Variants in CELF2 observed in about 807,000 individuals in gnomAD.
CELF2 encodes CUGBP Elav-like family member 2.
CELF2 carries 8 observed loss-of-function variants against 62.6 expected under a neutral mutation model. The observed-to-expected ratio is 0.13, with a 90% CI of 0.07 to 0.23. The LOEUF (loss-of-function observed/expected upper bound fraction) is 0.23, where lower values mean the gene tolerates loss of function less well. Among genes scored for constraint, CELF2 ranks in the 10% least tolerant of loss-of-function variants. The pLI, the probability that CELF2 is intolerant of heterozygous loss-of-function variation, is 1.00. For missense variants in CELF2, 333 were observed against 671.0 expected (o/e 0.50, Z 5.56); for synonymous variants, 258 against 250.0 (o/e 1.03, Z -0.30).
chr10:10,829,191 C>G (rs747801315), intron 1 of CELF2, among the ~76,000 whole-genome samples: 4 of 152,178 alleles, frequency 2.6e-5, no homozygotes, highest in Admixed American at 6.5e-5. Flanking sequence ...TGAATATTGA[C>G]TTGCAAACCT....
chr10:10,562,872 A>C, the CELF2 span, among the ~76,000 whole-genome samples: 6 of 134,588 alleles, frequency 4.5e-5, no homozygotes, highest in Admixed American at 4.4e-4. Context: ...CAGGCTTGCC[A>C]TGGGGCAGTA....
At chr10:10,775,661 C>A in the CELF2 span, among the ~76,000 whole-genome samples, 13 of 151,494 alleles carry the variant, frequency 8.6e-5, no homozygotes, top group Non-Finnish European at 1.9e-4. Context: ...AGAAACAGAC[C>A]AGGAGGCAGA....
the CELF2 span, among the ~76,000 whole-genome samples, chr10:10,464,309 A>G: frequency 1.3e-5 from 2 of 152,176 alleles, no homozygotes; most frequent in African/African-American, 4.8e-5. Context: ...TTCAGTTATA[A>G]TTGGAATAAA....
chr10:10,752,253 A>C, the CELF2 span, among the ~76,000 whole-genome samples: 1 of 152,208 alleles, frequency 6.6e-6, no homozygotes, highest in Non-Finnish European at 1.5e-5. Context: ...AACCATGGCT[A>C]AAGTACCCAT....
chr10:11,114,987 G>A (rs1432126682), intron 1 of CELF2, among the ~76,000 whole-genome samples: 1 of 152,052 alleles, frequency 6.6e-6, no homozygotes, highest in Non-Finnish European at 1.5e-5. Context: ...GTACCTTCTG[G>A]CACACAGTAG....
In CELF2 at chr10:11,331,428, A is replaced by AGAT. The variant is rs1487371487; in HGVS notation, c.*2377_*2379dup. ...CATTTTTTTTAATTGTGGACTATTT[A>AGAT]GATGTGTTTGTGTTCAGCAAAATGT... On this transcript the variant is annotated 3_prime_UTR_variant, in exon 13 of 13. Coordinates refer to ENST00000633077, the MANE Select transcript of CELF2 (RefSeq NM_001326342.2). 2 of 145,022 alleles carry AGAT rather than the reference A, an allele frequency of 1.4e-5. No homozygotes were observed. The highest frequency in any genetic ancestry group is 3.0e-5 in the Non-Finnish European group (2 of 66,566). 9.0% of individuals were successfully genotyped at this position (145,022 alleles called of 1,614,324 possible).
Position 11,321,014 on chromosome 10 carries a change from C to T in CELF2, c.1097-175C>T, listed in dbSNP as rs2095413039. The T allele has an allele frequency of 1.5e-6, 2 of 1,353,388 alleles. No homozygotes were observed. Among genetic ancestry groups the T allele is most frequent in the East Asian group, 2.5e-5 (1 of 39,912 alleles). The allele number at this position is 1,353,388 out of a possible 1,614,324, so 83.8% of individuals were successfully genotyped here. A position where few individuals can be genotyped will look rare whatever the true frequency, so the allele number is the denominator to read the frequency against. ...TTCTCATGGCTTAGGTCATTTTCCC[C>T]CATTATCACGATTTATTTCTTCATG... On this transcript the variant is annotated intron_variant, in intron 10 of 12. Coordinates refer to ENST00000633077, the MANE Select transcript of CELF2 (RefSeq NM_001326342.2). The surrounding 1 kb of genome is among the most constrained non-coding windows in gnomAD (Gnocchi z 6.2).
chr10:10,712,566 A>C, the CELF2 span, among the ~76,000 whole-genome samples: 169 of 152,296 alleles, frequency 1.1e-3, 2 homozygotes, highest in East Asian at 0.02. Context: ...TTTCAAATAC[A>C]ACCAGCAATG....
At chr10:10,490,716 A>G in the CELF2 span, among the ~76,000 whole-genome samples, 1 of 152,120 alleles carries the variant, frequency 6.6e-6, no homozygotes, top group African/African-American at 2.4e-5. Context: ...AATGAGCATA[A>G]GCCCCTAGAC....
At position 11,290,428 on chromosome 10, in the gene CELF2, T is replaced by C. The variant is rs961962015; in HGVS notation, c.976+1876T>C. On this transcript the variant is annotated intron_variant, in intron 9 of 12. Coordinates refer to ENST00000633077, the MANE Select transcript of CELF2 (RefSeq NM_001326342.2). This position sits in a 1 kb window ranked among gnomAD's most constrained non-coding sequence, Gnocchi z 4.3. ...GGACCGCGTCCGTTCCAGCCCACGTTGGGAGGAGTGTGAGCTTGTTGCAAC... is the reference window on the plus strand; with the variant it reads ...GGACCGCGTCCGTTCCAGCCCACGTCGGGAGGAGTGTGAGCTTGTTGCAAC... Among the ~76,000 whole-genome samples the C allele has an allele frequency of 1.3e-5, 2 of 151,796 alleles. No homozygotes were observed. Among genetic ancestry groups the C allele is most frequent in the African/African-American group, 4.8e-5 (2 of 41,278 alleles).
At chr10:11,066,110 G>C (rs1157473828) in intron 1 of CELF2, among the ~76,000 whole-genome samples, 2 of 152,198 alleles carry the variant, frequency 1.3e-5, no homozygotes, top group Non-Finnish European at 2.9e-5. Context: ...TGGGGTCCCA[G>C]CCACACAGGG....
At chr10:11,079,920 CT>C (rs1159700970) in intron 1 of CELF2, among the ~76,000 whole-genome samples, 1 of 152,142 alleles carries the variant, frequency 6.6e-6, no homozygotes, top group African/African-American at 2.4e-5. Context: ...TGCAAGATGA[CT>C]TTGGGATTTG....
chr10:10,672,976 G>A, the CELF2 span, among the ~76,000 whole-genome samples: 2 of 151,856 alleles, frequency 1.3e-5, no homozygotes, highest in African/African-American at 2.4e-5. Context: ...TTTCAACAGA[G>A]TTTTGTAGTT....
At chr10:10,989,855 C>A (rs2053235283) in intron 2 of CELF2, among the ~76,000 whole-genome samples, 1 of 151,960 alleles carries the variant, frequency 6.6e-6, no homozygotes, top group African/African-American at 2.4e-5. Context: ...AGACAAAGGA[C>A]AATAAACATT....
intron 8 of CELF2, 140 bp downstream of exon 8, chr10:11,275,260 C>T (rs548079204): frequency 1.3e-5 from 11 of 876,442 alleles, no homozygotes; most frequent in African/African-American, 1.2e-4. Context: ...TTGGTGTTAA[C>T]GTTGGAACCG....
chr10:10,976,607 A>G (rs2051369669), intron 2 of CELF2, among the ~76,000 whole-genome samples: 1 of 151,934 alleles, frequency 6.6e-6, no homozygotes, highest in Non-Finnish European at 1.5e-5. Flanking sequence ...ATCTGGTTCC[A>G]TTTCTGATTC....
At chr10:11,059,075 G>A (rs536308494) in intron 1 of CELF2, among the ~76,000 whole-genome samples, 6 of 152,282 alleles carry the variant, frequency 3.9e-5, no homozygotes, top group East Asian at 1.9e-4. Flanking sequence ...GAGCCATTGC[G>A]TCTGTCCTTC....
At chr10:10,937,043 A>G (rs1373090579) in intron 2 of CELF2, among the ~76,000 whole-genome samples, 1 of 152,086 alleles carries the variant, frequency 6.6e-6, no homozygotes, top group Non-Finnish European at 1.5e-5. Context: ...GGCTTCAATT[A>G]CATCTCAATA....
At chr10:11,018,944 A>G (rs1219590802) in intron 1 of CELF2, 1 of 152,290 alleles carries the variant, frequency 6.6e-6, no homozygotes, top group Non-Finnish European at 1.5e-5. Context: ...ACTTTATTGC[A>G]GAAATTAGAG....
Sources: allele counts gnomAD v4.1 joint callset (sites outside exome capture counted in the v4.1 genomes callset), GRCh38; gene constraint gnomAD v4.1.1; non-coding constraint Gnocchi (gnomAD v3.1); transcripts MANE v1.5; gene names NCBI Gene and HGNC (gene_info 2026-07-23, HGNC 2026-07-21).